The following C20orf203 variants were observed in gnomAD, a reference collection of about 807,000 sequenced individuals.
The protein encoded by C20orf203 is uncharacterized protein C20orf203.
Under a neutral mutation model 15.9 loss-of-function variants are expected in C20orf203, and 16 were observed. The ratio of observed to expected loss-of-function variants is 1.01; its 90% CI spans 0.68 to 1.53. The LOEUF (loss-of-function observed/expected upper bound fraction) is 1.53, where lower values mean the gene tolerates loss of function less well. Ranked by LOEUF, C20orf203 falls within the 40% of genes most tolerant of loss-of-function variation. The pLI, the probability that C20orf203 is intolerant of heterozygous loss-of-function variation, is 0.00. For synonymous variants in C20orf203, 98 were observed against 97.2 expected (o/e 1.01, Z -0.05); for missense variants, 263 against 247.5 (o/e 1.06, Z -0.42).
At chr20:32,654,175 T>C (rs112370012) in intron 1 of C20orf203, among the ~76,000 whole-genome samples, 3,862 of 151,868 alleles carry the variant, frequency 0.025, 77 homozygotes, top group Non-Finnish European at 0.042. Flanking sequence ...AAGATCAATA[T>C]ACAAAAATCA....
In C20orf203 at chr20:32,666,800, TATATATATA is replaced by T. The variant is rs1568756033; in HGVS notation, c.-264+6823_-264+6831del. Among the ~76,000 whole-genome samples, 12 of 85,332 alleles carry T rather than the reference TATATATATA, an allele frequency of 1.4e-4. 2 individuals are homozygous for T. The highest frequency in any genetic ancestry group is 6.3e-4 in the East Asian group (2 of 3,180). 56.0% of individuals were successfully genotyped at this position (85,332 alleles called of 152,430 possible). ...AAAAGATGAAATTAATTTTAATTTA[TATATATATA>T]TATATATATATATATAGTTTTGTTT... On this transcript the variant is annotated intron_variant, in intron 1 of 5. Coordinates refer to ENST00000608990, the MANE Select transcript of C20orf203 (RefSeq NM_182584.4).
rs1193836765 is a variant in C20orf203 at position 32,632,986 on chromosome 20, AAG to A, written c.*2582_*2583del. ...GCAGGAGGGAGAGTGATACTGAGCA[AAG>A]GGGGAAGCTGCTTATAAAACCATCA... On this transcript the variant is annotated 3_prime_UTR_variant, in exon 6 of 6. Coordinates refer to ENST00000608990, the MANE Select transcript of C20orf203 (RefSeq NM_182584.4). 1 of 152,172 alleles carries A rather than the reference AAG, an allele frequency of 6.6e-6. No individual in the cohort carries two copies. Among genetic ancestry groups the A allele is most frequent in the African/African-American group, 2.4e-5 (1 of 41,420 alleles). The allele number at this position is 152,172 out of a possible 1,614,324, so 9.4% of individuals were successfully genotyped here.
At chr20:32,636,273 T>C (rs1190118475) in intron 5 of C20orf203, among the ~76,000 whole-genome samples, 1 of 152,234 alleles carries the variant, frequency 6.6e-6, no homozygotes, top group Non-Finnish European at 1.5e-5. Context: ...GATAATGGTA[T>C]AATGAACACC....
chr20:32,642,048 C>T (rs989177956), intron 4 of C20orf203, among the ~76,000 whole-genome samples: 4 of 152,116 alleles, frequency 2.6e-5, no homozygotes, highest in Non-Finnish European at 4.4e-5. Context: ...TCCATGTTAC[C>T]CAGGCTAGTC....
In C20orf203 at chr20:32,632,361, CT is replaced by C. The variant is rs1268698525; in HGVS notation, c.*3208del. On this transcript the variant is annotated 3_prime_UTR_variant, in exon 6 of 6. Transcript: ENST00000608990. ...GTGAGTTCTTTTTGACACATGGAAG[CT>C]TGGGAAGTTTTTCGGCCAGCTACTG... The C allele has an allele frequency of 1.3e-5, 2 of 152,194 alleles. No individual in the cohort carries two copies. The highest frequency in any genetic ancestry group is 2.9e-5 in the Non-Finnish European group (2 of 68,042). 9.4% of individuals were successfully genotyped at this position (152,194 alleles called of 1,614,324 possible).
At chr20:32,662,531 G>A (rs770542483) in intron 1 of C20orf203, among the ~76,000 whole-genome samples, 11 of 152,098 alleles carry the variant, frequency 7.2e-5, no homozygotes, top group East Asian at 1.9e-4. Flanking sequence ...AACCCGAGAC[G>A]GAGTTGCGGT....
At chr20:32,645,998 A>G (rs912046216) in intron 4 of C20orf203, among the ~76,000 whole-genome samples, 2 of 151,998 alleles carry the variant, frequency 1.3e-5, no homozygotes, top group African/African-American at 4.8e-5. Context: ...CAGTTTCTCC[A>G]TCTACACAGT....
chr20:32,650,259 A>T lies in C20orf203; in HGVS notation c.*173T>A. The T allele has an allele frequency of 8.2e-6, 5 of 607,770 alleles. No homozygotes were observed. Among genetic ancestry groups the T allele is most frequent in the Non-Finnish European group, 8.8e-6 (3 of 342,410 alleles). 37.6% of individuals were successfully genotyped at this position (607,770 alleles called of 1,614,324 possible). A position where few individuals can be genotyped will look rare whatever the true frequency, so the allele number is the denominator to read the frequency against. On this transcript the variant is annotated 3_prime_UTR_variant, in exon 4 of 6. Transcript: ENST00000608990. ...ATCATGTTTGCTGAATGCCTTGAATACAAGCGCCGGTGCCCAGAATCTCCT... is the reference window on the plus strand; with the variant it reads ...ATCATGTTTGCTGAATGCCTTGAATTCAAGCGCCGGTGCCCAGAATCTCCT...
At chr20:32,657,058 T>C (rs114617510) in intron 1 of C20orf203, 1 of 152,542 alleles carries the variant, frequency 6.6e-6, no homozygotes, top group Non-Finnish European at 1.5e-5. Context: ...CTTACAAACA[T>C]CATGCTGGGG....
chr20:32,634,699 C>T (rs1982090480), intron 5 of C20orf203, among the ~76,000 whole-genome samples: 1 of 152,088 alleles, frequency 6.6e-6, no homozygotes, highest in Non-Finnish European at 1.5e-5. Context: ...GCTGAGGAGT[C>T]AGATTTCAGA....
At position 32,634,258 on chromosome 20, in the gene C20orf203, G is replaced by C. The variant is rs1471521059; in HGVS notation, c.*1312C>G. The C allele has an allele frequency of 2.5e-6, 1 of 398,472 alleles. No individual in the cohort carries two copies. The highest frequency in any genetic ancestry group is 4.4e-6 in the Non-Finnish European group (1 of 226,098). 24.7% of individuals were successfully genotyped at this position (398,472 alleles called of 1,614,324 possible). ...GCTCTGGAAAAGCTTCCTGGAGAAG[G>C]TTATGCTGGAGTCTGGAAAGATAAG... On this transcript the variant is annotated 3_prime_UTR_variant, in exon 6 of 6. Transcript: ENST00000608990.
At chr20:32,647,081 G>T (rs1372907542) in intron 4 of C20orf203, among the ~76,000 whole-genome samples, 1 of 152,168 alleles carries the variant, frequency 6.6e-6, no homozygotes, top group Non-Finnish European at 1.5e-5. Context: ...GCCTCCCCCA[G>T]GGTAACTATA....
In C20orf203 at chr20:32,650,554, G is replaced by A. The variant is rs1248479075; in HGVS notation, c.463C>T (p.Leu155=). 8 of 1,548,852 alleles carry A rather than the reference G, an allele frequency of 5.2e-6. No homozygotes were observed. In the Middle Eastern group the frequency reaches 1.3e-3, roughly 259 times the overall value. Residue 155 remains leucine (L), a synonymous_variant, in exon 4 of 6, where the codon CTG becomes TTG. Transcript: ENST00000608990. ...TGGAAACATGTTGAGGTCCAGGCCA[G>A]CGAGGACAGAGCTTGGCCAAAGTCC... ...VGDFGQALSS[L]AWTSTCFQDF... is the part of the protein sequence containing the mutation.
At chr20:32,643,174 G>A (rs918603275) in intron 4 of C20orf203, among the ~76,000 whole-genome samples, 1 of 152,172 alleles carries the variant, frequency 6.6e-6, no homozygotes, top group African/African-American at 2.4e-5. Context: ...AGGCTGGGAG[G>A]GGGTGCCAGG....
At chr20:32,670,134 C>T (rs1455827205) in intron 1 of C20orf203, among the ~76,000 whole-genome samples, 6 of 152,168 alleles carry the variant, frequency 3.9e-5, no homozygotes, top group African/African-American at 1.4e-4. Context: ...CGCTTGAACC[C>T]GGGAGTCGGA....
At chr20:32,653,394 T>C (rs541947351) in intron 1 of C20orf203, among the ~76,000 whole-genome samples, 33 of 152,274 alleles carry the variant, frequency 2.2e-4, no homozygotes, top group Admixed American at 9.8e-4. Context: ...CCAGTGCATA[T>C]GGACAGCTGA....
chr20:32,662,458 G>T (rs1290649144), intron 1 of C20orf203, among the ~76,000 whole-genome samples: 1 of 151,994 alleles, frequency 6.6e-6, no homozygotes, highest in Non-Finnish European at 1.5e-5. Flanking sequence ...AAAATTAGCT[G>T]GACATGGTGG....
intron 4 of C20orf203, among the ~76,000 whole-genome samples, chr20:32,645,385 G>A (rs117085752): frequency 0.011 from 1,695 of 152,274 alleles, 16 homozygotes; most frequent in Admixed American, 0.021. Context: ...TCAGGCTGGG[G>A]GTGTATGGAG....
At chr20:32,642,536 C>T (rs1982313457) in intron 4 of C20orf203, among the ~76,000 whole-genome samples, 2 of 152,224 alleles carry the variant, frequency 1.3e-5, no homozygotes, top group Non-Finnish European at 2.9e-5. Flanking sequence ...GCAACTGCCT[C>T]TTGTGTCCTT....
Sources: gnomAD v4.1 joint callset for allele counts (sites outside exome capture counted in the v4.1 genomes callset) on GRCh38, gnomAD v4.1.1 for gene constraint, MANE v1.5 for transcripts, NCBI Gene and HGNC (gene_info 2026-07-23, HGNC 2026-07-21) for gene names.